The following SUPT3H variants were observed in gnomAD, a reference collection of about 807,000 sequenced individuals.
SUPT3H encodes transcription initiation protein SPT3 homolog.
SUPT3H carries 44 observed loss-of-function variants against 44.3 expected under a neutral mutation model. That is an observed-to-expected ratio of 0.99 (90% CI 0.78 to 1.28). The LOEUF (loss-of-function observed/expected upper bound fraction) is 1.28, where lower values mean the gene tolerates loss of function less well. SUPT3H is among the 50% of genes most tolerant of loss of function. The pLI is 0.00. For synonymous variants in SUPT3H, 124 were observed against 125.6 expected, an observed-to-expected ratio of 0.99 and a Z score of 0.09; for missense variants, 380 against 387.1, an observed-to-expected ratio of 0.98 and a Z score of 0.15.
intron 3 of SUPT3H, among the ~76,000 whole-genome samples, chr6:45,052,075 T>C (rs1790385515): frequency 1.3e-5 from 2 of 152,176 alleles, no homozygotes; most frequent in African/African-American, 2.4e-5. Context: ...AATAAAATCT[T>C]TTGAGAAATC....
chr6:45,187,360 A>G (rs754956813), intron 2 of SUPT3H, among the ~76,000 whole-genome samples: 2 of 151,808 alleles, frequency 1.3e-5, no homozygotes, highest in Non-Finnish European at 2.9e-5. Flanking sequence ...AGTTGCAATG[A>G]GCCAAGATTG....
intron 9 of SUPT3H, among the ~76,000 whole-genome samples, chr6:44,948,210 C>T (rs536028166): frequency 7.2e-4 from 109 of 152,180 alleles, no homozygotes; most frequent in Non-Finnish European, 1.3e-3. Flanking sequence ...AAACTAGATC[C>T]CTTCCTTACA....
chr6:44,860,603 C>A (rs1774492972), intron 10 of SUPT3H, among the ~76,000 whole-genome samples: 1 of 152,116 alleles, frequency 6.6e-6, no homozygotes, highest in Admixed American at 6.5e-5. Context: ...CCATGACATA[C>A]TATTTAAGCA....
intron 2 of SUPT3H, among the ~76,000 whole-genome samples, chr6:45,230,666 A>ATATATATATATATATG (rs1281967138): frequency 3.1e-5 from 2 of 64,340 alleles, no homozygotes; most frequent in East Asian, 1.1e-3. Context: ...TTCAGTCTAT[A>ATATATATATATATATG]TATATATATA....
At chr6:44,823,020 A>C (rs1034876699), downstream of SUPT3H, among the ~76,000 whole-genome samples, 1 of 150,464 alleles carries the variant, frequency 6.6e-6, no homozygotes, top group Non-Finnish European at 1.5e-5. Context: ...CTGGAGGCTG[A>C]GGCAGGAGAA....
intron 2 of SUPT3H, among the ~76,000 whole-genome samples, chr6:45,241,533 C>G (rs542839093): frequency 6.6e-6 from 1 of 152,102 alleles, no homozygotes; most frequent in Non-Finnish European, 1.5e-5. Flanking sequence ...CAATGTTTAT[C>G]GCTGGCTTGA....
intron 9 of SUPT3H, among the ~76,000 whole-genome samples, chr6:44,950,845 T>A (rs937508568): frequency 2.5e-5 from 3 of 119,738 alleles, no homozygotes; most frequent in African/African-American, 1.1e-4. Flanking sequence ...TATTATTTTT[T>A]ATTTATTTTT....
At chr6:45,364,106 C>T (rs1470283612) in intron 2 of SUPT3H, among the ~76,000 whole-genome samples, 3 of 121,654 alleles carry the variant, frequency 2.5e-5, no homozygotes, top group Non-Finnish European at 5.2e-5. Context: ...CAGAGTGAGA[C>T]TCTGTCTCAA....
chr6:45,174,051 G>T (rs548424046), intron 2 of SUPT3H, among the ~76,000 whole-genome samples: 2 of 152,174 alleles, frequency 1.3e-5, no homozygotes, highest in Non-Finnish European at 2.9e-5. Flanking sequence ...TTCATTCAGG[G>T]ATAAATAGAA....
At chr6:44,996,067 A>G (rs1781227869) in intron 6 of SUPT3H, among the ~76,000 whole-genome samples, 1 of 151,940 alleles carries the variant, frequency 6.6e-6, no homozygotes, top group Non-Finnish European at 1.5e-5. Context: ...GAATGTGCAC[A>G]TGAACAAAAT....
intron 2 of SUPT3H, among the ~76,000 whole-genome samples, chr6:45,174,394 G>A (rs1811335000): frequency 6.6e-6 from 1 of 152,140 alleles, no homozygotes; most frequent in South Asian, 2.1e-4. Flanking sequence ...CCTCTCTTAT[G>A]ACACAAGGGT....
At chr6:45,147,758 G>A (rs901116978) in intron 2 of SUPT3H, among the ~76,000 whole-genome samples, 1 of 151,936 alleles carries the variant, frequency 6.6e-6, no homozygotes, top group African/African-American at 2.4e-5. Context: ...TGAACTGGGG[G>A]AAGATAAAGG....
chr6:44,819,261 C>A (rs1171335087), intron 11 of SUPT3H, among the ~76,000 whole-genome samples: 1 of 151,906 alleles, frequency 6.6e-6, no homozygotes, highest in Non-Finnish European at 1.5e-5. Flanking sequence ...ATTTAATATG[C>A]CATTCTGGAA....
chr6:45,356,291 T>A (rs1370299503), intron 2 of SUPT3H, among the ~76,000 whole-genome samples: 1 of 152,142 alleles, frequency 6.6e-6, no homozygotes. Flanking sequence ...TTTGAATATA[T>A]ATTTTTTATA....
chr6:45,330,708 T>C (rs950385074), intron 2 of SUPT3H, among the ~76,000 whole-genome samples: 18 of 152,050 alleles, frequency 1.2e-4, no homozygotes, highest in African/African-American at 4.3e-4. Context: ...AAGCAAGGCA[T>C]GGTAGTGAAC....
chr6:44,838,590 T>C lies in SUPT3H; in HGVS notation c.913-8733A>G, dbSNP rs114821798. ...GACTTATCTTGTTTCCAAATGCCAATCTATAGGCTAGTCAATAAATGCTAA... is the reference window on the plus strand; with the variant it reads ...GACTTATCTTGTTTCCAAATGCCAACCTATAGGCTAGTCAATAAATGCTAA... On this transcript the variant is annotated intron_variant, in intron 10 of 10. Transcript: ENST00000371459. Among the ~76,000 whole-genome samples the C allele has an allele frequency of 1.2e-3, 178 of 152,258 alleles. 1 individual carries two copies. Among genetic ancestry groups the C allele is most frequent in the Non-Finnish European group, 1.0e-3 (71 of 68,018 alleles).
chr6:44,923,421 C>T (rs887609796), intron 10 of SUPT3H, among the ~76,000 whole-genome samples: 4 of 152,116 alleles, frequency 2.6e-5, no homozygotes, highest in Middle Eastern at 6.8e-3. Context: ...GTTATGTCAT[C>T]CACTGTTTTA....
At chr6:45,274,464 T>G (rs1451704309) in intron 2 of SUPT3H, among the ~76,000 whole-genome samples, 1 of 152,264 alleles carries the variant, frequency 6.6e-6, no homozygotes, top group African/African-American at 2.4e-5. Flanking sequence ...TTTAGATCTA[T>G]GATCCACTTT....
At chr6:45,298,007 T>G (rs1052764689) in intron 2 of SUPT3H, among the ~76,000 whole-genome samples, 2 of 152,230 alleles carry the variant, frequency 1.3e-5, no homozygotes, top group African/African-American at 4.8e-5. Flanking sequence ...AGCTGATAAT[T>G]TGTAGAGCCA....
Sources: allele counts gnomAD v4.1 joint callset (sites outside exome capture counted in the v4.1 genomes callset), GRCh38; gene constraint gnomAD v4.1.1; transcripts MANE v1.5; gene names NCBI Gene and HGNC (gene_info 2026-07-23, HGNC 2026-07-21).